CPNE2: variants seen among roughly 807,000 people sequenced by gnomAD.
CPNE2 encodes copine-2.
In CPNE2, 42 loss-of-function variants were observed where a neutral mutation model predicts 69.7. The observed-to-expected ratio is 0.60, with a 90% CI of 0.47 to 0.78. The LOEUF (loss-of-function observed/expected upper bound fraction) is 0.78, where lower values mean the gene tolerates loss of function less well. Ranked by LOEUF, CPNE2 falls within the 30% of genes least tolerant of loss-of-function variation. The pLI is 0.00. For synonymous variants in CPNE2, 294 were observed against 289.8 expected, an observed-to-expected ratio of 1.01 and a Z score of -0.15; for missense variants, 587 against 732.0, an observed-to-expected ratio of 0.80 and a Z score of 2.29.
Position 57,118,691 on chromosome 16 carries a change from TA to T in CPNE2, c.508-503del, listed in dbSNP as rs1567668555. 1.7e-3 allele frequency among the ~76,000 whole-genome samples: 250 copies of T among 149,806 alleles called. 3 individuals carry two copies. Among genetic ancestry groups the T allele is most frequent in the African/African-American group, 5.9e-3 (240 of 40,650 alleles). On this transcript the variant is annotated intron_variant, in intron 5 of 15. Transcript: ENST00000290776. ...ATGGATGGATGGATGGATGGATGGA[TA>T]GATAGATAGATAGATAGAGTGAGTC...
chr16:57,136,013 A>AGGGAGGGAGGAG, intron 13 of CPNE2, among the ~76,000 whole-genome samples: 1 of 123,428 alleles, frequency 8.1e-6, no homozygotes, highest in African/African-American at 3.0e-5. Context: ...GAAAGGAGGA[A>AGGGAGGGAGGAG]GGGAGGGAGG....
intron 1 of CPNE2, among the ~76,000 whole-genome samples, chr16:57,101,902 T>C (rs879211851): frequency 6.6e-6 from 1 of 152,100 alleles, no homozygotes; most frequent in Admixed American, 6.5e-5. Context: ...ACTCTAGGCC[T>C]TCTGCTAGAG....
chr16:57,102,581 A>G (rs2069621420), intron 1 of CPNE2, among the ~76,000 whole-genome samples: 5 of 150,284 alleles, frequency 3.3e-5, no homozygotes, highest in Admixed American at 3.3e-4. Flanking sequence ...TTTCTCAATC[A>G]GTTTTTTGTT....
chr16:57,119,662 CTG>C lies in CPNE2; in HGVS notation c.681+13_681+14del. 8.8e-6 allele frequency: 14 copies of C among 1,583,280 alleles called. No homozygotes were observed. Among genetic ancestry groups the C allele is most frequent in the Non-Finnish European group, 1.1e-5 (13 of 1,161,270 alleles). Reference sequence around the variant, plus strand: ...AGAAGCCCATCCAGGTGAGGGGGCTCTGGGGACCCTGCTCCCCACCTTGCCAG... The same window carrying C: ...AGAAGCCCATCCAGGTGAGGGGGCTCGGGACCCTGCTCCCCACCTTGCCAG... On this transcript the variant is annotated intron_variant, in intron 7 of 15. Transcript: ENST00000290776.
chr16:57,109,837 A>G (rs2069669424), intron 1 of CPNE2, among the ~76,000 whole-genome samples: 1 of 151,984 alleles, frequency 6.6e-6, no homozygotes, highest in Non-Finnish European at 1.5e-5. Context: ...AGAATGCCTA[A>G]CCATCTAGGA....
At chr16:57,097,065 A>T (rs1456565157) in intron 1 of CPNE2, among the ~76,000 whole-genome samples, 12 of 152,182 alleles carry the variant, frequency 7.9e-5, no homozygotes, top group Admixed American at 3.3e-4. Context: ...CCTGCTGGGC[A>T]CCAGCTATGG....
At chr16:57,120,912 C>G (rs1236814408) in intron 7 of CPNE2, among the ~76,000 whole-genome samples, 181 bp from the exon 8 acceptor site, 1 of 152,084 alleles carries the variant, frequency 6.6e-6, no homozygotes, top group Non-Finnish European at 1.5e-5. Flanking sequence ...TCTCCTTTTC[C>G]CAGCAATCAC....
intron 4 of CPNE2, among the ~76,000 whole-genome samples, chr16:57,116,291 C>T (rs1255821458): frequency 6.6e-6 from 1 of 152,158 alleles, no homozygotes; most frequent in Non-Finnish European, 1.5e-5. Flanking sequence ...GAATTCTTAG[C>T]ATATCCTGAA....
chr16:57,094,086 G>A (rs1050916355), intron 1 of CPNE2: 1 of 456,696 alleles, frequency 2.2e-6, no homozygotes, highest in Non-Finnish European at 4.4e-6. Context: ...CCTGGCATAG[G>A]TCCAGGTGAG....
chr16:57,134,474 C>T (rs2069862174), intron 12 of CPNE2, among the ~76,000 whole-genome samples: 2 of 152,160 alleles, frequency 1.3e-5, no homozygotes, highest in African/African-American at 4.8e-5. Context: ...CCTGTCCCAC[C>T]CGGGACTCTT....
At position 57,113,474 on chromosome 16, in the gene CPNE2, T is replaced by C. The variant is rs777401470; in HGVS notation, c.360+7T>C. The C allele has an allele frequency of 5.0e-6, 8 of 1,612,044 alleles. No individual in the cohort carries two copies. The Admixed American group carries it at 1.2e-4, about 24-fold the overall frequency. The stretch of plus-strand genomic sequence containing the variant: ...CTCCTGCAGCCTGGGCACGGTGAGC[T>C]GGGCCCTCCTGGGTGGGAGCAGGGG... On this transcript the variant is annotated splice_region_variant and intron_variant, in intron 3 of 15. Transcript: ENST00000290776.
chr16:57,121,212 G>A (rs1327147440), intron 8 of CPNE2, 21 bp downstream of exon 8: 4 of 1,604,778 alleles, frequency 2.5e-6, no homozygotes, highest in Non-Finnish European at 3.4e-6. Context: ...CACGTGTACT[G>A]TAACCCCAAG....
intron 1 of CPNE2, among the ~76,000 whole-genome samples, chr16:57,095,964 T>C (rs1166081863): frequency 6.6e-6 from 1 of 152,212 alleles, no homozygotes; most frequent in Non-Finnish European, 1.5e-5. Context: ...GGGTGTCAGA[T>C]CCACAAAAAG....
At chr16:57,099,775 A>AT (rs776284229) in intron 1 of CPNE2, among the ~76,000 whole-genome samples, 14,009 of 101,386 alleles carry the variant, frequency 0.14, 1,394 homozygotes, top group South Asian at 0.24. Context: ...CTAATTTTTG[A>AT]TTTTTTTTTT....
intron 14 of CPNE2, chr16:57,145,765 A>G (rs1340698944): frequency 1.9e-5 from 7 of 361,696 alleles, no homozygotes; most frequent in African/African-American, 1.3e-4. Flanking sequence ...AGAGTCCCAC[A>G]GTATAGCAAC....
Position 57,119,286 on chromosome 16 carries a change from C to T in CPNE2, c.591+8C>T, listed in dbSNP as rs748633886. The T allele has an allele frequency of 7.4e-6, 12 of 1,613,462 alleles. No individual in the cohort carries two copies. The African/African-American group carries it at 1.2e-4, about 16-fold the overall frequency. On this transcript the variant is annotated splice_region_variant and intron_variant, in intron 6 of 15. Transcript: ENST00000290776. ...CTGGTCCACAGGACTGAGGTGGGTA[C>T]GTGGGGGCCCAGGGATCTCTAAGCA...
At chr16:57,135,272 C>T (rs1056821879) in intron 13 of CPNE2, among the ~76,000 whole-genome samples, 3 of 134,302 alleles carry the variant, frequency 2.2e-5, no homozygotes, top group Non-Finnish European at 4.8e-5. Flanking sequence ...GAGTACTTGG[C>T]GGGGGATCAG....
chr16:57,138,578 TC>T (rs1171539211), intron 14 of CPNE2, among the ~76,000 whole-genome samples: 1 of 152,008 alleles, frequency 6.6e-6, no homozygotes, highest in Non-Finnish European at 1.5e-5. Flanking sequence ...TCCTAGCTGT[TC>T]CCCCGCAGGT....
At chr16:57,137,043 A>G in intron 13 of CPNE2, 106 bp from the exon 14 acceptor site, 1 of 1,478,104 alleles carries the variant, frequency 6.8e-7, no homozygotes, top group Non-Finnish European at 9.1e-7. Flanking sequence ...TAGCCATGGC[A>G]GGGACATTTT....
Sources: allele counts gnomAD v4.1 joint callset (sites outside exome capture counted in the v4.1 genomes callset), GRCh38; gene constraint gnomAD v4.1.1; transcripts MANE v1.5; gene names NCBI Gene and HGNC (gene_info 2026-07-23, HGNC 2026-07-21).